PODXL: variants seen among roughly 807,000 people sequenced by gnomAD.
PODXL encodes podocalyxin like.
A neutral mutation model predicts 48.9 loss-of-function variants in PODXL; 20 were observed. The observed-to-expected ratio is 0.41, with a 90% CI of 0.29 to 0.59. The LOEUF (loss-of-function observed/expected upper bound fraction) is 0.59, where lower values mean the gene tolerates loss of function less well. Ranked by LOEUF, PODXL falls within the 20% of genes least tolerant of loss-of-function variation. PODXL has a pLI of 0.31. For missense variants in PODXL, 606 were observed against 675.1 expected, an observed-to-expected ratio of 0.90 and a Z score of 1.13; for synonymous variants, 295 against 287.4, an observed-to-expected ratio of 1.03 and a Z score of -0.27.
chr7:131,539,205 A>G (rs1045322206), intron 1 of PODXL, among the ~76,000 whole-genome samples: 3 of 152,218 alleles, frequency 2.0e-5, no homozygotes, highest in African/African-American at 7.2e-5. Context: ...CTCCACAGAA[A>G]AAGTGAGCTC....
At chr7:131,533,498 G>A (rs1209140591) in intron 1 of PODXL, among the ~76,000 whole-genome samples, 2 of 151,878 alleles carry the variant, frequency 1.3e-5, no homozygotes, top group Non-Finnish European at 2.9e-5. Context: ...CTGCTTCCCT[G>A]GGCAGGAGAG....
In PODXL at chr7:131,502,483, C is replaced by A. The variant is rs1048331237; in HGVS notation, c.*1828G>T. On this transcript the variant is annotated 3_prime_UTR_variant, in exon 9 of 9. Coordinates refer to ENST00000378555, the MANE Select transcript of PODXL (RefSeq NM_001018111.3). ...TGAGGAAGGAATTAGGCAGATGGTG[C>A]AGGACAGATCTTCCCCAGCCCCTCC... 2.6e-5 allele frequency: 4 copies of A among 152,234 alleles called. No homozygotes were observed. The highest frequency in any genetic ancestry group is 5.9e-5 in the Non-Finnish European group (4 of 68,120). 9.4% of individuals were successfully genotyped at this position (152,234 alleles called of 1,614,324 possible). A position where few individuals can be genotyped will look rare whatever the true frequency, so the allele number is the denominator to read the frequency against.
intron 1 of PODXL, among the ~76,000 whole-genome samples, chr7:131,538,938 T>C (rs1490228167): frequency 6.6e-6 from 1 of 152,212 alleles, no homozygotes; most frequent in Non-Finnish European, 1.5e-5. Flanking sequence ...TCCTAATCCC[T>C]TCCCCTGCAG....
intron 1 of PODXL, among the ~76,000 whole-genome samples, chr7:131,546,854 G>T (rs77272058): frequency 6.6e-6 from 1 of 152,114 alleles, no homozygotes; most frequent in Non-Finnish European, 1.5e-5. Context: ...CCATCTCAGT[G>T]GCTTCTTAGC....
At chr7:131,538,447 A>C (rs1042888763) in intron 1 of PODXL, among the ~76,000 whole-genome samples, 17 of 152,090 alleles carry the variant, frequency 1.1e-4, no homozygotes, top group African/African-American at 4.1e-4. Context: ...CCTGATGAAA[A>C]TCAGGCCCAG....
intron 1 of PODXL, among the ~76,000 whole-genome samples, chr7:131,518,352 T>TGA (rs1385730948): frequency 6.6e-6 from 1 of 152,138 alleles, no homozygotes; most frequent in Non-Finnish European, 1.5e-5. Context: ...ATAAAATACT[T>TGA]GAGGTGGCTA....
intron 1 of PODXL, among the ~76,000 whole-genome samples, chr7:131,549,107 A>G (rs1348251782): frequency 2.6e-5 from 4 of 152,198 alleles, no homozygotes; most frequent in African/African-American, 9.7e-5. Flanking sequence ...ATATCAGGTG[A>G]CGAGTGCTAT....
chr7:131,530,887 C>T lies in PODXL; in HGVS notation c.101-19454G>A, dbSNP rs181908663. ...CAGCCTGACCAACATGGAGAAACCC[C>T]GTCTCTACTAATAATAAAAAATTAG... On this transcript the variant is annotated intron_variant, in intron 1 of 8. Coordinates refer to ENST00000378555, the MANE Select transcript of PODXL (RefSeq NM_001018111.3). Among the ~76,000 whole-genome samples the T allele has an allele frequency of 5.1e-3, 783 of 152,068 alleles. 8 individuals carry two copies. The highest frequency in any genetic ancestry group is 0.018 in the African/African-American group (736 of 41,496).
intron 1 of PODXL, 74 bp from the exon 2 acceptor site, chr7:131,511,507 A>G: frequency 6.8e-7 from 1 of 1,475,078 alleles, no homozygotes; most frequent in South Asian, 1.2e-5. Flanking sequence ...GCTCTTCCCC[A>G]GGATTCAGAG....
chr7:131,537,974 G>A (rs1191784329), intron 1 of PODXL, among the ~76,000 whole-genome samples: 1 of 152,226 alleles, frequency 6.6e-6, no homozygotes, highest in Non-Finnish European at 1.5e-5. Context: ...TGCTGCTGAT[G>A]GGCATTTGGG....
rs540852153 is a variant in PODXL at position 131,512,896 on chromosome 7, G to C, written c.101-1463C>G. On this transcript the variant is annotated intron_variant, in intron 1 of 8. Coordinates refer to ENST00000378555, the MANE Select transcript of PODXL (RefSeq NM_001018111.3). Reference sequence around the variant, plus strand: ...GGTGATCCCAGCTACTTGGGAGGCTGAGGCAGGAGAACGGCTTGAACCCGG... The same window carrying C: ...GGTGATCCCAGCTACTTGGGAGGCTCAGGCAGGAGAACGGCTTGAACCCGG... Among the ~76,000 whole-genome samples, 4 of 151,878 alleles carry C rather than the reference G, an allele frequency of 2.6e-5. No homozygotes were observed. In the East Asian group the frequency reaches 7.7e-4, roughly 29 times the overall value.
chr7:131,537,312 T>A lies in PODXL; in HGVS notation c.100+18948A>T, dbSNP rs528296567. 2.5e-3 allele frequency among the ~76,000 whole-genome samples: 356 copies of A among 145,038 alleles called. 1 individual carries two copies. The highest frequency in any genetic ancestry group is 7.9e-3 in the African/African-American group (309 of 39,052). On this transcript the variant is annotated intron_variant, in intron 1 of 8. Transcript: ENST00000378555. Reference sequence around the variant, plus strand: ...GGGTGACAGTGAGAACCTGTTTTTTTAAAAAAAAAAAGCCAAGCACGGTGG... The same window carrying A: ...GGGTGACAGTGAGAACCTGTTTTTTAAAAAAAAAAAAGCCAAGCACGGTGG...
chr7:131,547,077 G>T (rs1162973945), intron 1 of PODXL, among the ~76,000 whole-genome samples: 1 of 152,102 alleles, frequency 6.6e-6, no homozygotes, highest in African/African-American at 2.4e-5. Context: ...GCCAATACAA[G>T]AAATAAAATC....
intron 1 of PODXL, among the ~76,000 whole-genome samples, chr7:131,555,311 G>A (rs1378336583): frequency 2.0e-5 from 3 of 152,182 alleles, no homozygotes; most frequent in Non-Finnish European, 4.4e-5. Flanking sequence ...CACCTCTCCC[G>A]TGGGGCTGAG....
At chr7:131,515,026 G>A (rs1295906183) in intron 1 of PODXL, among the ~76,000 whole-genome samples, 2 of 152,074 alleles carry the variant, frequency 1.3e-5, no homozygotes, top group Non-Finnish European at 2.9e-5. Flanking sequence ...TGCATTATAC[G>A]CAGAATGCTG....
intron 1 of PODXL, among the ~76,000 whole-genome samples, chr7:131,533,489 T>C (rs552033684): frequency 1.3e-5 from 2 of 152,284 alleles, no homozygotes; most frequent in Admixed American, 6.5e-5. Context: ...CCCGTCTGCC[T>C]GCTTCCCTGG....
chr7:131,517,196 C>T (rs1798013110), intron 1 of PODXL, among the ~76,000 whole-genome samples: 1 of 152,170 alleles, frequency 6.6e-6, no homozygotes, highest in African/African-American at 2.4e-5. Context: ...TGGGGACGGA[C>T]ACCAGGTTCC....
rs181180342 is a variant in PODXL, at chr7:131,539,144, G to A, written c.100+17116C>T. On this transcript the variant is annotated intron_variant, in intron 1 of 8. Coordinates refer to ENST00000378555, the MANE Select transcript of PODXL (RefSeq NM_001018111.3). ...GGGGGAGGTGGCAGAGTGGCCACTC[G>A]CCCTGCCTTTAAGGTCAGTTTAAAT... Among the ~76,000 whole-genome samples, 261 of 152,232 alleles carry A rather than the reference G, an allele frequency of 1.7e-3. 2 individuals are homozygous for A. Among genetic ancestry groups the A allele is most frequent in the African/African-American group, 6.0e-3 (250 of 41,530 alleles).
chr7:131,528,185 C>T (rs565713020), intron 1 of PODXL, among the ~76,000 whole-genome samples: 61 of 152,162 alleles, frequency 4.0e-4, no homozygotes, highest in African/African-American at 1.3e-3. Flanking sequence ...CGTGAGCCAC[C>T]GCACCCAGCT....
Sources: gnomAD v4.1 joint callset for allele counts (sites outside exome capture counted in the v4.1 genomes callset) on GRCh38, gnomAD v4.1.1 for gene constraint, MANE v1.5 for transcripts, NCBI Gene and HGNC (gene_info 2026-07-23, HGNC 2026-07-21) for gene names.